BCAS3: variants seen among roughly 807,000 people sequenced by gnomAD.
BCAS3 encodes BCAS4/BCAS3 fusion.
Under a neutral mutation model 116.1 loss-of-function variants are expected in BCAS3, and 53 were observed. That is an observed-to-expected ratio of 0.46 (90% CI 0.37 to 0.57). The LOEUF is 0.57. BCAS3 is among the 20% of genes least tolerant of loss of function. The pLI, the probability that BCAS3 is intolerant of heterozygous loss-of-function variation, is 0.00. For synonymous variants in BCAS3, 391 were observed against 408.2 expected (o/e 0.96, Z 0.51); for missense variants, 917 against 1,165.4 (o/e 0.79, Z 3.10).
intron 7 of BCAS3, among the ~76,000 whole-genome samples, chr17:60,858,302 G>A (rs1418365467): frequency 1.3e-5 from 2 of 151,782 alleles, no homozygotes; most frequent in African/African-American, 2.4e-5. Context: ...AAAGTTTCTC[G>A]TGCCACTTTG....
intron 6 of BCAS3, among the ~76,000 whole-genome samples, chr17:60,780,235 A>G (rs1598661748): frequency 2.7e-5 from 4 of 147,928 alleles, no homozygotes; most frequent in Admixed American, 2.0e-4. Context: ...TGATCTGCCC[A>G]CCTCGGCCTG....
Position 61,144,378 on chromosome 17 carries a change from C to T in BCAS3, c.2425+59814C>T, listed in dbSNP as rs534726228. 6.6e-6 allele frequency among the ~76,000 whole-genome samples: 1 copy of T among 152,298 alleles called. No homozygotes were observed. Among genetic ancestry groups the T allele is most frequent in the East Asian group, 1.9e-4 (1 of 5,174 alleles). On this transcript the variant is annotated intron_variant, in intron 22 of 23. Transcript: ENST00000407086. The surrounding 1 kb of genome is among the most constrained non-coding windows in gnomAD (Gnocchi z 5.0). ...ATCCAGTGCCTGTGAAGACCTGGAACATTTCAGACAATCACACAGATGTTT... is the reference window on the plus strand; with the variant it reads ...ATCCAGTGCCTGTGAAGACCTGGAATATTTCAGACAATCACACAGATGTTT...
intron 22 of BCAS3, among the ~76,000 whole-genome samples, chr17:61,267,966 G>C (rs2049897869): frequency 6.6e-6 from 1 of 151,952 alleles, no homozygotes; most frequent in Non-Finnish European, 1.5e-5. Flanking sequence ...AGAAAACTGG[G>C]TCACATATCT....
chr17:60,704,262 A>T (rs2036823349), intron 4 of BCAS3, among the ~76,000 whole-genome samples: 1 of 152,164 alleles, frequency 6.6e-6, no homozygotes, highest in African/African-American at 2.4e-5. Context: ...CACAAAAGAC[A>T]TTTATTAGTA....
At chr17:61,207,956 A>C (rs2081242061) in intron 22 of BCAS3, among the ~76,000 whole-genome samples, 1 of 152,214 alleles carries the variant, frequency 6.6e-6, no homozygotes, top group Non-Finnish European at 1.5e-5. Flanking sequence ...CAAAATTCTC[A>C]GTCAGATTCT....
Position 61,132,086 on chromosome 17 carries a change from C to T in BCAS3, c.2425+47522C>T, listed in dbSNP as rs796453840. ...AAGTTTTTAATGCTTTGACCTATAA[C>T]CATTTTAAAATTCTTCAGACTTGAC... On this transcript the variant is annotated intron_variant, in intron 22 of 23. Coordinates refer to ENST00000407086, the MANE Select transcript of BCAS3 (RefSeq NM_017679.5). This position sits in a 1 kb window ranked among gnomAD's most constrained non-coding sequence, Gnocchi z 5.1. 8.5e-5 allele frequency among the ~76,000 whole-genome samples: 13 copies of T among 152,264 alleles called. No individual in the cohort carries two copies. Among genetic ancestry groups the T allele is most frequent in the African/African-American group, 1.9e-4 (8 of 41,542 alleles).
chr17:61,289,256 C>G (rs951012116), intron 22 of BCAS3, among the ~76,000 whole-genome samples: 7 of 152,116 alleles, frequency 4.6e-5, no homozygotes, highest in Non-Finnish European at 1.0e-4. Flanking sequence ...GGGGTGCTGG[C>G]CCAACAGACT....
intron 5 of BCAS3, 51 bp from the exon 6 acceptor site, chr17:60,747,147 G>T: frequency 2.3e-6 from 3 of 1,293,028 alleles, no homozygotes; most frequent in Non-Finnish European, 3.3e-6. Context: ...ATATAATACT[G>T]TTGTGACCTT....
intron 7 of BCAS3, among the ~76,000 whole-genome samples, chr17:60,829,670 A>G (rs1474230563): frequency 6.6e-6 from 1 of 152,010 alleles, no homozygotes; most frequent in Non-Finnish European, 1.5e-5. Context: ...CTAGGAGTGG[A>G]CTTGCTGGGT....
chr17:60,766,557 T>C (rs8073762), intron 6 of BCAS3, among the ~76,000 whole-genome samples: 40,207 of 152,098 alleles, frequency 0.26, 11,208 homozygotes, highest in African/African-American at 0.71. Flanking sequence ...CCTGATCCTT[T>C]CTCTGGAAGC....
chr17:61,336,093 G>A (rs2056700851), intron 22 of BCAS3, among the ~76,000 whole-genome samples: 1 of 152,256 alleles, frequency 6.6e-6, no homozygotes, highest in Admixed American at 6.5e-5. Context: ...CAGTGGTGCT[G>A]CTCTGGATCA....
chr17:61,039,967 G>A (rs1201112109), intron 18 of BCAS3, among the ~76,000 whole-genome samples: 1 of 152,146 alleles, frequency 6.6e-6, no homozygotes. Context: ...AGCCTTATAG[G>A]AATGTTTATT....
intron 5 of BCAS3, among the ~76,000 whole-genome samples, chr17:60,746,194 A>G (rs1470205897): frequency 1.3e-5 from 2 of 152,140 alleles, no homozygotes; most frequent in Non-Finnish European, 2.9e-5. Flanking sequence ...ATCAAACACT[A>G]GGCAATTATG....
At position 60,808,084 on chromosome 17, in the gene BCAS3, A is replaced by G; in HGVS notation, c.476+8A>G. 1 of 1,569,836 alleles carries G rather than the reference A, an allele frequency of 6.4e-7. No homozygotes were observed. The highest frequency in any genetic ancestry group is 8.7e-7 in the Non-Finnish European group (1 of 1,147,834). On this transcript the variant is annotated splice_region_variant and intron_variant, in intron 7 of 23. Transcript: ENST00000407086. ...GAGCATTGGATCTTCTGGGTAAGGA[A>G]ATTTTAAAAATTCTTTGTATCACCT...
intron 6 of BCAS3, among the ~76,000 whole-genome samples, chr17:60,777,086 G>C (rs1231901763): frequency 1.3e-5 from 2 of 151,436 alleles, no homozygotes; most frequent in Non-Finnish European, 2.9e-5. Context: ...GTATATATGT[G>C]TATATATATA....
rs1232101015 is a variant in BCAS3, at chr17:61,162,687, T to A, written c.2425+78123T>A. ...AAACAAAAATAATAAGTAAACCAGT[T>A]CAGGGATATACTTCTCTTTCTGAAA... is the stretch of plus-strand genomic sequence containing the variant. On this transcript the variant is annotated intron_variant, in intron 22 of 23. Transcript: ENST00000407086. This position sits in a 1 kb window ranked among gnomAD's most constrained non-coding sequence, Gnocchi z 5.6. 6.6e-6 allele frequency among the ~76,000 whole-genome samples: 1 copy of A among 152,210 alleles called. No homozygotes were observed. The highest frequency in any genetic ancestry group is 1.9e-4 in the East Asian group (1 of 5,188).
At chr17:61,094,279 C>T (rs1568339522) in intron 22 of BCAS3, among the ~76,000 whole-genome samples, 1 of 152,192 alleles carries the variant, frequency 6.6e-6, no homozygotes, top group Non-Finnish European at 1.5e-5. Flanking sequence ...GGAATGAATG[C>T]ACAGTAGTTG....
intron 7 of BCAS3, among the ~76,000 whole-genome samples, chr17:60,853,657 C>T (rs2053385373): frequency 6.6e-6 from 1 of 152,044 alleles, no homozygotes; most frequent in African/African-American, 2.4e-5. Flanking sequence ...ATATGCATTT[C>T]CTCTAAAATG....
intron 6 of BCAS3, among the ~76,000 whole-genome samples, chr17:60,781,518 G>C (rs942619545): frequency 6.6e-6 from 1 of 152,048 alleles, no homozygotes; most frequent in Non-Finnish European, 1.5e-5. Context: ...AGAATCTCTT[G>C]AAGTCAGGAG....
Sources: allele counts gnomAD v4.1 joint callset (sites outside exome capture counted in the v4.1 genomes callset), GRCh38; gene constraint gnomAD v4.1.1; non-coding constraint Gnocchi (gnomAD v3.1); transcripts MANE v1.5; gene names NCBI Gene and HGNC (gene_info 2026-07-23, HGNC 2026-07-21).